The following GRIA1 variants were observed in gnomAD, a reference collection of about 807,000 sequenced individuals.
The protein encoded by GRIA1 is glutamate ionotropic receptor AMPA type subunit 1, also known as glutamate receptor 1.
GRIA1 carries 31 observed loss-of-function variants against 99.2 expected under a neutral mutation model. That is an observed-to-expected ratio of 0.31 (90% CI 0.23 to 0.42). The LOEUF (loss-of-function observed/expected upper bound fraction) is 0.42. Ranked by LOEUF, GRIA1 falls within the 10% of genes least tolerant of loss-of-function variation. The pLI is 1.00. For synonymous variants in GRIA1, 438 were observed against 432.4 expected (o/e 1.01, Z -0.16); for missense variants, 782 against 1,157.5 (o/e 0.68, Z 4.71).
chr5:153,698,510 G>A (rs1459305006), intron 9 of GRIA1, among the ~76,000 whole-genome samples: 1 of 152,176 alleles, frequency 6.6e-6, no homozygotes, highest in Non-Finnish European at 1.5e-5. Context: ...TGTAAGTGAA[G>A]ATGCTGTAAT....
In GRIA1 at chr5:153,493,985, C is replaced by T. The variant is rs780495356; in HGVS notation, c.140C>T (p.Ser47Leu). ...CATGCTGCTTTTAGATTTGCTTTGT[C>T]GCAACTCACAGAGCCCCCGAAGCTG... ...QEHAAFRFALSQLTEPPKLLP... is the reference protein window; with the variant it reads ...QEHAAFRFALLQLTEPPKLLP... Residue 47 changes from serine to leucine, a missense_variant, in exon 2 of 16, where the codon TCG becomes TTG. Ser to Leu is a moderately radical substitution (Grantham distance 145). Coordinates refer to ENST00000285900, the MANE Select transcript of GRIA1 (RefSeq NM_000827.4). 25 of 1,613,862 alleles carry T rather than the reference C, an allele frequency of 1.5e-5. No homozygotes were observed. In the African/African-American group the frequency reaches 1.9e-4, roughly 12 times the overall value.
intron 2 of GRIA1, among the ~76,000 whole-genome samples, chr5:153,524,110 A>G (rs986433202): frequency 1.2e-4 from 18 of 152,142 alleles, no homozygotes; most frequent in Non-Finnish European, 2.5e-4. Context: ...GGCAGATCAC[A>G]AGGTCAAGAC....
chr5:153,542,439 C>T (rs759376826), intron 2 of GRIA1, among the ~76,000 whole-genome samples: 4 of 152,162 alleles, frequency 2.6e-5, no homozygotes, highest in Non-Finnish European at 5.9e-5. Flanking sequence ...TGATCATGGA[C>T]TTACTTCAGA....
Position 153,575,128 on chromosome 5 carries a change from A to C in GRIA1, c.221-71800A>C, listed in dbSNP as rs913080946. Among the ~76,000 whole-genome samples the C allele has an allele frequency of 3.3e-5, 5 of 151,732 alleles. No individual in the cohort carries two copies. In the East Asian group the frequency reaches 9.7e-4, roughly 29 times the overall value. On this transcript the variant is annotated intron_variant, in intron 2 of 15. Transcript: ENST00000285900. ...ACAAGGAAACTCCATTTGATCCTGC[A>C]ATGGTCTCTTGGTCTCTTTCTTAGC...
chr5:153,773,620 C>T (rs778488583), intron 13 of GRIA1, among the ~76,000 whole-genome samples: 2 of 152,146 alleles, frequency 1.3e-5, no homozygotes, highest in Non-Finnish European at 2.9e-5. Context: ...TAATAAAAAA[C>T]TAATTCTTTT....
chr5:153,664,953 G>A (rs567309761), intron 5 of GRIA1, among the ~76,000 whole-genome samples: 1 of 152,344 alleles, frequency 6.6e-6, no homozygotes, highest in African/African-American at 2.4e-5. Flanking sequence ...TTTTGATCAT[G>A]TAAAGGGTAG....
In GRIA1 at chr5:153,492,686, T is replaced by C. The variant is rs141159141; in HGVS notation, c.83-1242T>C. Among the ~76,000 whole-genome samples the C allele has an allele frequency of 2.9e-3, 438 of 152,314 alleles. 5 individuals carry two copies. The highest frequency in any genetic ancestry group is 0.01 in the African/African-American group (420 of 41,558). Reference sequence around the variant, plus strand: ...AATGGTATAAATGCATGAGGATGTTTCATGTATGTGCTATGTTTTCTCATG... The same window carrying C: ...AATGGTATAAATGCATGAGGATGTTCCATGTATGTGCTATGTTTTCTCATG... On this transcript the variant is annotated intron_variant, in intron 1 of 15. Transcript: ENST00000285900.
In GRIA1 at chr5:153,706,105, T is replaced by C. The variant is rs772538160; in HGVS notation, c.1823+38T>C. The C allele has an allele frequency of 4.4e-6, 7 of 1,590,896 alleles. No homozygotes were observed. The African/African-American group carries it at 8.2e-5, about 19-fold the overall frequency. The stretch of plus-strand genomic sequence containing the variant: ...TTCTCAATCCCTTTGCCTAATGCTA[T>C]GGTTTTGTTTGTTTGTTTGTTTGTT... On this transcript the variant is annotated intron_variant, in intron 11 of 15. Coordinates refer to ENST00000285900, the MANE Select transcript of GRIA1 (RefSeq NM_000827.4).
intron 11 of GRIA1, among the ~76,000 whole-genome samples, chr5:153,709,739 A>T (rs1262937239): frequency 6.6e-6 from 1 of 152,180 alleles, no homozygotes; most frequent in African/African-American, 2.4e-5. Context: ...GTCTTTTTGG[A>T]TCAGAAGAAC....
chr5:153,772,752 C>G (rs1763964373), intron 13 of GRIA1, among the ~76,000 whole-genome samples: 1 of 152,130 alleles, frequency 6.6e-6, no homozygotes, highest in South Asian at 2.1e-4. Flanking sequence ...GCTTTTATCT[C>G]AGAAACTTAT....
chr5:153,572,659 A>G (rs1762213464), intron 2 of GRIA1, among the ~76,000 whole-genome samples: 2 of 152,166 alleles, frequency 1.3e-5, no homozygotes, highest in South Asian at 4.1e-4. Context: ...GCCTCTGGCT[A>G]TATTACCCTT....
chr5:153,490,078 T>C (rs1322018635), upstream of GRIA1, among the ~76,000 whole-genome samples: 3 of 152,230 alleles, frequency 2.0e-5, no homozygotes, highest in East Asian at 3.9e-4. Context: ...AGAAAGCTTT[T>C]TTTTTTTTTT....
intron 1 of GRIA1, among the ~76,000 whole-genome samples, chr5:153,493,056 A>G (rs1754075564): frequency 6.6e-6 from 1 of 152,226 alleles, no homozygotes; most frequent in Non-Finnish European, 1.5e-5. Context: ...ACAGAAATGT[A>G]ATTGATTTAC....
chr5:153,681,126 CAG>C (rs1756941642), intron 7 of GRIA1, among the ~76,000 whole-genome samples: 1 of 152,152 alleles, frequency 6.6e-6, no homozygotes, highest in Non-Finnish European at 1.5e-5. Context: ...CCAATCATGG[CAG>C]AGTGTAAAGG....
intron 2 of GRIA1, among the ~76,000 whole-genome samples, chr5:153,504,387 A>AT (rs1254885304): frequency 1.4e-4 from 21 of 151,688 alleles, no homozygotes; most frequent in African/African-American, 4.1e-4. Context: ...ATGTAAATGT[A>AT]TTTATTGTCT....
At chr5:153,639,903 C>T (rs1250963537) in intron 2 of GRIA1, among the ~76,000 whole-genome samples, 1 of 152,038 alleles carries the variant, frequency 6.6e-6, no homozygotes, top group Non-Finnish European at 1.5e-5. Context: ...TTCACCAAAA[C>T]AAAAAAAGTT....
At chr5:153,796,684 G>C (rs1765666324) in intron 14 of GRIA1, among the ~76,000 whole-genome samples, 2 of 152,140 alleles carry the variant, frequency 1.3e-5, no homozygotes, top group Admixed American at 6.5e-5. Flanking sequence ...ATACCATCCA[G>C]AGGTGGGCAA....
At chr5:153,794,584 C>CTGT (rs1765520941) in intron 13 of GRIA1, 37 bp from the exon 14 acceptor site, 1 of 1,332,962 alleles carries the variant, frequency 7.5e-7, no homozygotes, top group Non-Finnish European at 1.1e-6. Flanking sequence ...TGTTCTCCAC[C>CTGT]TGTTACTCAT....
intron 11 of GRIA1, among the ~76,000 whole-genome samples, chr5:153,762,110 G>A (rs1018174060): frequency 6.6e-6 from 1 of 151,988 alleles, no homozygotes; most frequent in African/African-American, 2.4e-5. Flanking sequence ...TGCACGGTAG[G>A]GTGACTATAT....
Sources: gnomAD v4.1 joint callset for allele counts (sites outside exome capture counted in the v4.1 genomes callset) on GRCh38, gnomAD v4.1.1 for gene constraint, MANE v1.5 for transcripts, NCBI Gene and HGNC (gene_info 2026-07-23, HGNC 2026-07-21) for gene names.